The following SEC24C variants were observed in gnomAD, a reference collection of about 807,000 sequenced individuals.
The protein encoded by SEC24C is SEC24 homolog C, COPII component, also known as protein transport protein Sec24C.
Under a neutral mutation model 117.0 loss-of-function variants are expected in SEC24C, and 22 were observed. The ratio of observed to expected loss-of-function variants is 0.19; its 90% confidence interval spans 0.13 to 0.27. The LOEUF (loss-of-function observed/expected upper bound fraction) is 0.27, where lower values mean the gene tolerates loss of function less well. Among genes scored for constraint, SEC24C ranks in the 10% least tolerant of loss-of-function variants. SEC24C has a pLI of 1.00. For synonymous variants in SEC24C, 506 were observed against 529.4 expected (o/e 0.96, Z 0.61); for missense variants, 1,155 against 1,375.1 (o/e 0.84, Z 2.53).
At position 73,769,814 on chromosome 10, in the gene SEC24C, T is replaced by C. The variant is rs377519763; in HGVS notation, c.2683-22T>C. 1 of 1,613,114 alleles carries C rather than the reference T, an allele frequency of 6.2e-7. No individual in the cohort carries two copies. The highest frequency in any genetic ancestry group is 1.3e-5 in the African/African-American group (1 of 75,032). On this transcript the variant is annotated intron_variant, in intron 19 of 22. Coordinates refer to ENST00000345254, the MANE Select transcript of SEC24C (RefSeq NM_198597.3). The surrounding 1 kb of genome is among the most constrained non-coding windows in gnomAD (Gnocchi z 4.5). ...GGAGGGATTTCTCATGATCATTGAC[T>C]TTATTTTGATAATCCCCTCAGTTGA...
Position 73,771,248 on chromosome 10 carries a change from C to A in SEC24C, c.*153C>A. 1.2e-6 allele frequency: 1 copy of A among 821,070 alleles called. No individual in the cohort carries two copies. The highest frequency in any genetic ancestry group is 2.7e-5 in the East Asian group (1 of 37,582). The allele number at this position is 821,070 out of a possible 1,614,324, so 50.9% of individuals were successfully genotyped here. A position where few individuals can be genotyped will look rare whatever the true frequency, so the allele number is the denominator to read the frequency against. On this transcript the variant is annotated 3_prime_UTR_variant, in exon 23 of 23. Coordinates refer to ENST00000345254, the MANE Select transcript of SEC24C (RefSeq NM_198597.3). ...TAAGGAGACACCTTCTTTCTGGGCTCAAGTATCCTGCCACTCTGTCATGTC... is the reference window on the plus strand; with the variant it reads ...TAAGGAGACACCTTCTTTCTGGGCTAAAGTATCCTGCCACTCTGTCATGTC...
intron 6 of SEC24C, chr10:73,762,009 A>G (rs1427444105): frequency 2.2e-6 from 2 of 893,998 alleles, no homozygotes; most frequent in Admixed American, 2.3e-5. Context: ...GTCTAACTCA[A>G]CAGGGTTGAG....
At chr10:73,744,755 C>T (rs12572278) in intron 1 of SEC24C, among the ~76,000 whole-genome samples, 39 of 152,138 alleles carry the variant, frequency 2.6e-4, no homozygotes, top group Middle Eastern at 3.4e-3. Flanking sequence ...TTTTGATCCT[C>T]GGCTCTCCGA....
intron 3 of SEC24C, among the ~76,000 whole-genome samples, chr10:73,756,610 T>A (rs2082713845): frequency 6.6e-6 from 1 of 152,178 alleles, no homozygotes; most frequent in Non-Finnish European, 1.5e-5. Flanking sequence ...TAATATTTTT[T>A]TTTTTTTGAG....
Position 73,749,839 on chromosome 10 carries a change from G to A in SEC24C, c.173-1269G>A, listed in dbSNP as rs532612021. Among the ~76,000 whole-genome samples the A allele has an allele frequency of 3.3e-5, 5 of 152,350 alleles. No homozygotes were observed. The East Asian group carries it at 7.7e-4, about 23-fold the overall frequency. On this transcript the variant is annotated intron_variant, in intron 2 of 22. Coordinates refer to ENST00000345254, the MANE Select transcript of SEC24C (RefSeq NM_198597.3). ...TTACAGGCGTGAGCCACCACGTCCA[G>A]CCTTACCTTACTTTCTCAAGAAGAG...
intron 2 of SEC24C, among the ~76,000 whole-genome samples, chr10:73,750,284 A>G (rs889223209): frequency 2.0e-5 from 3 of 152,220 alleles, no homozygotes; most frequent in Non-Finnish European, 4.4e-5. Flanking sequence ...TCTAATCTCT[A>G]CTGAGGGCAG....
At chr10:73,747,968 A>G (rs1193866004) in intron 2 of SEC24C, among the ~76,000 whole-genome samples, 1 of 151,288 alleles carries the variant, frequency 6.6e-6, no homozygotes, top group Non-Finnish European at 1.5e-5. Flanking sequence ...CACTGTTTGT[A>G]TTTTTAGTAG....
In SEC24C at chr10:73,769,654, G is replaced by A. The variant is rs147907875; in HGVS notation, c.2603G>A (p.Arg868His). ...GVLNSPVKAV[R>H]DTLITQCAQI... ...CTGAATAGCCCTGTGAAGGCTGTTC[G>A]TGACACGCTCATCACCCAGTGTGCC... Residue 868 changes from arginine to histidine, a missense_variant, in exon 19 of 23, where the codon CGT (arginine) becomes CAT (histidine). Arg to His is a conservative substitution (Grantham distance 29). Around this residue, in one of 2 missense-constraint regions of SEC24C, gnomAD observed 759 missense variants for 992.3 expected, o/e 0.76. Coordinates refer to ENST00000345254, the MANE Select transcript of SEC24C (RefSeq NM_198597.3). The surrounding 1 kb of genome is among the most constrained non-coding windows in gnomAD (Gnocchi z 4.5). 3.7e-4 allele frequency: 598 copies of A among 1,614,088 alleles called. 2 individuals are homozygous for A. The highest frequency in any genetic ancestry group is 6.6e-4 in the Middle Eastern group (4 of 6,062).
At position 73,771,017 on chromosome 10, in the gene SEC24C, C is replaced by CAAGAGTCTGAGTGGGGGAGCATT; in HGVS notation, c.3229_3230insTAAGAGTCTGAGTGGGGGAGCAT (p.Ser1077LeufsTer4). 1 of 1,614,162 alleles carries CAAGAGTCTGAGTGGGGGAGCATT rather than the reference C, an allele frequency of 6.2e-7. No individual in the cohort carries two copies. The highest frequency in any genetic ancestry group is 8.5e-7 in the Non-Finnish European group (1 of 1,180,040). On this transcript the variant is annotated frameshift_variant, in exon 23 of 23. Coordinates refer to ENST00000345254, the MANE Select transcript of SEC24C (RefSeq NM_198597.3). LOFTEE classifies it high-confidence loss of function. ...TGTTCAAGCACTTCCTGGTGGAAGACAAGAGTCTGAGTGGGGGAGCATCTT... is the reference window on the plus strand; with the variant it reads ...TGTTCAAGCACTTCCTGGTGGAAGACAAGAGTCTGAGTGGGGGAGCATTAAGAGTCTGAGTGGGGGAGCATCTT...
At chr10:73,753,078 C>T (rs1489073553) in intron 3 of SEC24C, among the ~76,000 whole-genome samples, 1 of 151,950 alleles carries the variant, frequency 6.6e-6, no homozygotes, top group Non-Finnish European at 1.5e-5. Flanking sequence ...GAGACAGAGT[C>T]CTGCCCTGTT....
intron 8 of SEC24C, among the ~76,000 whole-genome samples, chr10:73,765,186 G>A (rs2082862053): frequency 6.6e-6 from 1 of 152,218 alleles, no homozygotes; most frequent in Admixed American, 6.5e-5. Flanking sequence ...GTCTGATATG[G>A]CCGGTTTTGC....
In SEC24C at chr10:73,759,700, T is replaced by G. The variant is rs746617834; in HGVS notation, c.387T>G (p.Pro129=). 3.7e-6 allele frequency: 6 copies of G among 1,607,484 alleles called. No individual in the cohort carries two copies. The African/African-American group carries it at 6.7e-5, about 18-fold the overall frequency. Residue 129 remains proline, a synonymous_variant, in exon 4 of 23, where the codon CCT becomes CCG. Transcript: ENST00000345254. ...NQPPVLQPYG[P]PPTSAQVATQ... is the part of the protein sequence containing the mutation. ...CACCTGTGCTTCAGCCCTATGGCCC[T>G]CCCCCGACAAGTGCACAGGTGGCTA...
chr10:73,756,992 C>G (rs1034220065), intron 3 of SEC24C, among the ~76,000 whole-genome samples: 4 of 146,884 alleles, frequency 2.7e-5, no homozygotes, highest in African/African-American at 7.6e-5. Flanking sequence ...CTCACTGCAA[C>G]CTCCACCTCC....
In SEC24C at chr10:73,767,935, T is replaced by C; in HGVS notation, c.2109T>C (p.Tyr703=). Residue 703 remains tyrosine (Y), a synonymous_variant, in exon 15 of 23, where the codon TAT becomes TAC. Transcript: ENST00000345254. ...CVDLFLFPNQ[Y]VDVATLSVVP... The stretch of plus-strand genomic sequence containing the variant: ...ATCTCTTTCTCTTCCCTAACCAGTA[T>C]GTGGATGTGGCCACACTCTCTGTTG... The C allele has an allele frequency of 7.0e-7, 1 of 1,421,176 alleles. No individual in the cohort carries two copies. The allele number at this position is 1,421,176 out of a possible 1,614,324, so 88.0% of individuals were successfully genotyped here.
At position 73,763,978 on chromosome 10, in the gene SEC24C, G is replaced by C. The variant is rs772148317; in HGVS notation, c.1222G>C (p.Glu408Gln). Residue 408 changes from glutamate (E) to glutamine (Q), a missense_variant, in exon 8 of 23, where the codon GAG (glutamate) becomes CAG (glutamine). Physicochemically the swap from Glu to Gln is conservative, Grantham distance 29. Around this residue, in one of 2 missense-constraint regions of SEC24C, gnomAD observed 759 missense variants for 992.3 expected, o/e 0.76. Transcript: ENST00000345254. ...CAAACCGCTGGCAAGGCTGCCCCCAGAGGAGGTGAGTCAGGGAAGGGGCTA... is the reference window on the plus strand; with the variant it reads ...CAAACCGCTGGCAAGGCTGCCCCCACAGGAGGTGAGTCAGGGAAGGGGCTA... The part of the protein sequence containing the change: ...VIKPLARLPP[E>Q]EASPYVVDHG... 1 of 1,584,780 alleles carries C rather than the reference G, an allele frequency of 6.3e-7. No individual in the cohort carries two copies. The highest frequency in any genetic ancestry group is 1.1e-5 in the South Asian group (1 of 88,316).
At chr10:73,761,955 G>C (rs939841205) in intron 6 of SEC24C, 3 of 437,742 alleles carry the variant, frequency 6.9e-6, no homozygotes, top group Non-Finnish European at 1.3e-5. Context: ...CATATCTAGA[G>C]GGGGCTTGAT....
chr10:73,751,449 C>T (rs1345254926), intron 3 of SEC24C, among the ~76,000 whole-genome samples: 1 of 152,084 alleles, frequency 6.6e-6, no homozygotes, highest in Non-Finnish European at 1.5e-5. Context: ...AAATCCCAGA[C>T]TTGGGAGGCT....
chr10:73,762,816 A>G (rs889863795), intron 6 of SEC24C, among the ~76,000 whole-genome samples: 20 of 152,204 alleles, frequency 1.3e-4, no homozygotes, highest in Non-Finnish European at 2.6e-4. Flanking sequence ...CCAGCTTTGC[A>G]GGTCCTTTAT....
At chr10:73,754,071 CT>C (rs767445754) in intron 3 of SEC24C, among the ~76,000 whole-genome samples, 6 of 152,094 alleles carry the variant, frequency 3.9e-5, no homozygotes, top group South Asian at 4.1e-4. Flanking sequence ...TTGGACACCC[CT>C]GATTTACATT....
Sources: allele counts gnomAD v4.1 joint callset (sites outside exome capture counted in the v4.1 genomes callset), GRCh38; gene constraint gnomAD v4.1.1; regional missense constraint gnomAD v4.1.1; non-coding constraint Gnocchi (gnomAD v3.1); transcripts MANE v1.5; gene names NCBI Gene and HGNC (gene_info 2026-07-23, HGNC 2026-07-21).